CDH13: variants seen among roughly 807,000 people sequenced by gnomAD.
CDH13 encodes the protein cadherin 13.
A neutral mutation model predicts 63.8 loss-of-function variants in CDH13; 24 were observed. That is an observed-to-expected ratio of 0.38 (90% CI 0.27 to 0.53). The LOEUF is 0.53. Among genes scored for constraint, CDH13 ranks in the 20% least tolerant of loss-of-function variants. CDH13 has a pLI of 0.85. For missense variants in CDH13, 1,049 were observed against 903.1 expected (o/e 1.16, Z -2.07); for synonymous variants, 503 against 355.3 (o/e 1.42, Z -4.67).
At chr16:83,192,608 C>A (rs2151757078) in intron 4 of CDH13, among the ~76,000 whole-genome samples, 1 of 152,264 alleles carries the variant, frequency 6.6e-6, no homozygotes, top group Non-Finnish European at 1.5e-5. Context: ...CCGTGGTTGA[C>A]TGTATGAAAG....
chr16:83,554,767 G>A (rs1172131258), intron 7 of CDH13, among the ~76,000 whole-genome samples: 2 of 152,014 alleles, frequency 1.3e-5, no homozygotes, highest in Admixed American at 1.3e-4. Context: ...CCTTATTATT[G>A]ATCTTTGTAG....
At chr16:83,061,432 C>G (rs906315665) in intron 3 of CDH13, among the ~76,000 whole-genome samples, 28 of 152,306 alleles carry the variant, frequency 1.8e-4, no homozygotes, top group Middle Eastern at 3.4e-3. Context: ...GTGACCTTCT[C>G]CCTGTGCCAA....
intron 8 of CDH13, among the ~76,000 whole-genome samples, chr16:83,658,080 C>G (rs1202937219): frequency 7.6e-6 from 1 of 131,168 alleles, no homozygotes; most frequent in Non-Finnish European, 1.6e-5. Context: ...GTGCCATGTC[C>G]TCACCAGCAA....
At chr16:82,856,516 A>T (rs1434830964) in intron 1 of CDH13, among the ~76,000 whole-genome samples, 1 of 151,638 alleles carries the variant, frequency 6.6e-6, no homozygotes, top group Admixed American at 6.6e-5. Context: ...AGCCTGTGCA[A>T]CATAGTGAAA....
chr16:82,684,459 G>C (rs1914862759), intron 1 of CDH13, among the ~76,000 whole-genome samples: 1 of 152,122 alleles, frequency 6.6e-6, no homozygotes, highest in African/African-American at 2.4e-5. Context: ...GAGCTCATCA[G>C]GAAAGTATGC....
chr16:83,379,438 G>C (rs2091516476), intron 6 of CDH13, among the ~76,000 whole-genome samples: 1 of 152,140 alleles, frequency 6.6e-6, no homozygotes, highest in South Asian at 2.1e-4. Context: ...TTATTGAATA[G>C]AATAGAATTA....
At chr16:83,590,806 A>G (rs76470437) in intron 7 of CDH13, among the ~76,000 whole-genome samples, 2,036 of 151,802 alleles carry the variant, frequency 0.013, 42 homozygotes, top group African/African-American at 0.046. Flanking sequence ...GAAACTTGTG[A>G]GAAATTCAGA....
intron 8 of CDH13, among the ~76,000 whole-genome samples, chr16:83,649,635 A>G (rs1912173522): frequency 6.6e-6 from 1 of 152,146 alleles, no homozygotes; most frequent in Non-Finnish European, 1.5e-5. Flanking sequence ...TTTGAGCAGC[A>G]AGGAAGATAG....
intron 6 of CDH13, among the ~76,000 whole-genome samples, chr16:83,394,592 A>G (rs1377794259): frequency 2.0e-5 from 3 of 152,164 alleles, no homozygotes; most frequent in Non-Finnish European, 1.5e-5. Flanking sequence ...ACTCACAAGG[A>G]ATGGTGAGCC....
chr16:83,559,934 G>C (rs906485242), intron 7 of CDH13, among the ~76,000 whole-genome samples: 2 of 152,172 alleles, frequency 1.3e-5, no homozygotes, highest in South Asian at 4.2e-4. Context: ...AGATCAAACA[G>C]TTGGCCAATA....
chr16:83,742,245 G>A (rs412821), intron 10 of CDH13, among the ~76,000 whole-genome samples: 4 of 151,982 alleles, frequency 2.6e-5, no homozygotes, highest in East Asian at 1.9e-4. Flanking sequence ...GAGTGAGCCC[G>A]CCTTCCAGGG....
intron 3 of CDH13, among the ~76,000 whole-genome samples, chr16:83,045,832 C>T (rs948606613): frequency 6.6e-6 from 1 of 152,204 alleles, no homozygotes; most frequent in South Asian, 2.1e-4. Context: ...CCACCCAGCA[C>T]ATGGGATGAT....
intron 3 of CDH13, among the ~76,000 whole-genome samples, chr16:83,033,195 C>A (rs1266340846): frequency 1.3e-5 from 2 of 152,162 alleles, no homozygotes; most frequent in African/African-American, 4.8e-5. Context: ...CCTGCCCAAC[C>A]TACTCATGCT....
At chr16:83,454,949 A>G (rs1038210199) in intron 6 of CDH13, among the ~76,000 whole-genome samples, 1 of 152,066 alleles carries the variant, frequency 6.6e-6, no homozygotes, top group Middle Eastern at 3.2e-3. Flanking sequence ...ACCTCAAGTG[A>G]TCCACCCGCC....
intron 2 of CDH13, among the ~76,000 whole-genome samples, chr16:83,030,564 A>AC (rs1007720294): frequency 1.4e-5 from 2 of 146,786 alleles, no homozygotes; most frequent in African/African-American, 5.0e-5. Context: ...AATCACTGGA[A>AC]CCCGGGAGGC....
At chr16:83,376,614 A>T (rs1248647926) in intron 6 of CDH13, among the ~76,000 whole-genome samples, 1 of 152,192 alleles carries the variant, frequency 6.6e-6, no homozygotes, top group Non-Finnish European at 1.5e-5. Context: ...AGATGCTAGC[A>T]TGATGACAAG....
At chr16:83,060,588 A>C (rs1269301625) in intron 3 of CDH13, among the ~76,000 whole-genome samples, 1 of 152,166 alleles carries the variant, frequency 6.6e-6, no homozygotes. Flanking sequence ...TAACATTCCC[A>C]CTGCCTCATA....
At chr16:82,693,128 A>G (rs752595206) in intron 1 of CDH13, among the ~76,000 whole-genome samples, 6 of 152,184 alleles carry the variant, frequency 3.9e-5, no homozygotes, top group Non-Finnish European at 7.3e-5. Flanking sequence ...GCCTCAAAGG[A>G]AATGAATCTG....
intron 5 of CDH13, among the ~76,000 whole-genome samples, chr16:83,343,343 A>G (rs1005992329): frequency 6.6e-5 from 10 of 152,204 alleles, no homozygotes; most frequent in African/African-American, 2.4e-4. Context: ...TTGTATTGTA[A>G]TATGTTGTTA....
Sources: allele counts gnomAD v4.1 joint callset (sites outside exome capture counted in the v4.1 genomes callset), GRCh38; gene constraint gnomAD v4.1.1; transcripts MANE v1.5; gene names NCBI Gene and HGNC (gene_info 2026-07-23, HGNC 2026-07-21).